Variants in CTNNA2 observed in about 807,000 individuals in gnomAD.
CTNNA2 encodes the protein catenin alpha 2, also known as catenin alpha-2.
CTNNA2 carries 42 observed loss-of-function variants against 101.0 expected under a neutral mutation model. The observed-to-expected ratio is 0.42, with a 90% CI of 0.32 to 0.54. The LOEUF is 0.54. Ranked by LOEUF, CTNNA2 falls within the 20% of genes least tolerant of loss-of-function variation. The probability of loss-of-function intolerance (pLI) is 0.14; values close to 1 mark genes in which losing one functional copy is unlikely to be tolerated. For missense variants in CTNNA2, 871 were observed against 1,223.1 expected, an observed-to-expected ratio of 0.71 and a Z score of 4.29; for synonymous variants, 450 against 456.4, an observed-to-expected ratio of 0.99 and a Z score of 0.18.
At chr2:80,189,880 CAG>C (rs1440406470) in intron 7 of CTNNA2, among the ~76,000 whole-genome samples, 1 of 151,944 alleles carries the variant, frequency 6.6e-6, no homozygotes, top group Non-Finnish European at 1.5e-5. Flanking sequence ...AAGGATAAAT[CAG>C]AGAGTTTTGT....
intron 1 of CTNNA2, among the ~76,000 whole-genome samples, chr2:79,563,083 A>T (rs191620095): frequency 6.6e-6 from 1 of 151,660 alleles, no homozygotes; most frequent in Non-Finnish European, 1.5e-5. Context: ...ACATGATCCA[A>T]TATGTGATTC....
At chr2:80,502,853 CT>C (rs543088799) in intron 9 of CTNNA2, among the ~76,000 whole-genome samples, 215 of 152,304 alleles carry the variant, frequency 1.4e-3, no homozygotes, top group African/African-American at 4.8e-3. Flanking sequence ...TTAGCTCAAG[CT>C]TCTTTCAAAT....
chr2:79,205,325 T>C lies in CTNNA2; in HGVS notation c.-406+7249T>C, dbSNP rs530365294. Among the ~76,000 whole-genome samples, 17 of 152,336 alleles carry C rather than the reference T, an allele frequency of 1.1e-4. No individual in the cohort carries two copies. The East Asian group carries it at 3.1e-3, about 28-fold the overall frequency. ...AAAAAGCTTCCAAATGATTCACACC[T>C]GCAGTAAGAGCTGTCTAAGCATGGT... On this transcript the variant is annotated intron_variant, in intron 2 of 21. Transcript: ENST00000466387.
chr2:80,062,202 A>G (rs1697644843), intron 7 of CTNNA2, among the ~76,000 whole-genome samples: 1 of 152,248 alleles, frequency 6.6e-6, no homozygotes, highest in East Asian at 1.9e-4. Context: ...TCAAAAAGAA[A>G]AAAATGCCAG....
chr2:79,554,143 G>A (rs1179457033), intron 1 of CTNNA2, among the ~76,000 whole-genome samples: 7 of 151,990 alleles, frequency 4.6e-5, no homozygotes, highest in Non-Finnish European at 8.8e-5. Flanking sequence ...GGTGGATGGA[G>A]AATTGCTTAT....
intron 9 of CTNNA2, among the ~76,000 whole-genome samples, chr2:80,488,237 T>C (rs1686755579): frequency 6.6e-6 from 1 of 152,214 alleles, no homozygotes; most frequent in Non-Finnish European, 1.5e-5. Flanking sequence ...TGAGATTCTG[T>C]TCTTGAAGCC....
chr2:79,599,268 T>A (rs1677395101), intron 1 of CTNNA2, among the ~76,000 whole-genome samples: 2 of 152,206 alleles, frequency 1.3e-5, no homozygotes, highest in African/African-American at 4.8e-5. Flanking sequence ...CCTTCAATAA[T>A]GAGTTGGCTC....
At chr2:79,687,704 G>A (rs774598823) in intron 2 of CTNNA2, 106 of 501,122 alleles carry the variant, frequency 2.1e-4, no homozygotes, top group Non-Finnish European at 3.4e-4. Flanking sequence ...AAATATAAAA[G>A]CATCTTTTGA....
At chr2:79,932,630 T>C (rs1687526489) in intron 7 of CTNNA2, among the ~76,000 whole-genome samples, 1 of 152,150 alleles carries the variant, frequency 6.6e-6, no homozygotes, top group Non-Finnish European at 1.5e-5. Context: ...AATATGAAAA[T>C]AATTCCCAAT....
intron 7 of CTNNA2, among the ~76,000 whole-genome samples, chr2:80,026,260 G>T (rs1242906500): frequency 6.6e-6 from 1 of 152,284 alleles, no homozygotes; most frequent in South Asian, 2.1e-4. Flanking sequence ...TGACTGGACA[G>T]TCTGAGTAAA....
At position 79,853,958 on chromosome 2, in the gene CTNNA2, G is replaced by A. The variant is rs151299705; in HGVS notation, c.299-4055G>A. ...GCTGGGATTACAGGTGTGAGCCACCGCGCCCAGCCCATGCCATCCTTTTCT... is the reference window on the plus strand; with the variant it reads ...GCTGGGATTACAGGTGTGAGCCACCACGCCCAGCCCATGCCATCCTTTTCT... On this transcript the variant is annotated intron_variant, in intron 3 of 18. Coordinates refer to ENST00000402739, the MANE Select transcript of CTNNA2 (RefSeq NM_001282597.3). Among the ~76,000 whole-genome samples, 552 of 152,028 alleles carry A rather than the reference G, an allele frequency of 3.6e-3. 5 individuals carry two copies. The highest frequency in any genetic ancestry group is 0.013 in the African/African-American group (529 of 41,462).
chr2:79,289,340 T>C (rs79890326), intron 2 of CTNNA2, among the ~76,000 whole-genome samples: 19,664 of 152,156 alleles, frequency 0.13, 1,387 homozygotes, highest in Middle Eastern at 0.21. Flanking sequence ...CATAGGTAAA[T>C]ATAGATTTAA....
At chr2:79,193,260 A>G (rs1320995530) in intron 1 of CTNNA2, among the ~76,000 whole-genome samples, 1 of 152,124 alleles carries the variant, frequency 6.6e-6, no homozygotes, top group Non-Finnish European at 1.5e-5. Context: ...CATGCTCTTT[A>G]TACAGTCACA....
intron 7 of CTNNA2, among the ~76,000 whole-genome samples, chr2:79,991,778 C>T (rs1296390506): frequency 6.6e-6 from 1 of 152,046 alleles, no homozygotes; most frequent in East Asian, 1.9e-4. Flanking sequence ...CTCCAGCCTC[C>T]CGTTTGTTGG....
intron 7 of CTNNA2, among the ~76,000 whole-genome samples, chr2:80,192,905 G>A (rs1156406383): frequency 6.6e-6 from 1 of 152,162 alleles, no homozygotes; most frequent in African/African-American, 2.4e-5. Flanking sequence ...CCACCATACT[G>A]AGAATGATGA....
intron 15 of CTNNA2, among the ~76,000 whole-genome samples, chr2:80,592,840 A>C (rs1226587952): frequency 1.3e-5 from 2 of 152,194 alleles, no homozygotes; most frequent in African/African-American, 4.8e-5. Context: ...GAATATACTG[A>C]GGCATAGATT....
chr2:79,256,243 T>C (rs901837445), intron 2 of CTNNA2, among the ~76,000 whole-genome samples: 2 of 152,102 alleles, frequency 1.3e-5, no homozygotes, highest in African/African-American at 4.8e-5. Context: ...ACACAGATCA[T>C]CAATTCCCTG....
rs546198365 is a variant in CTNNA2 at position 79,959,965 on chromosome 2, A to G, written c.1056+50168A>G. Among the ~76,000 whole-genome samples, 244 of 152,336 alleles carry G rather than the reference A, an allele frequency of 1.6e-3. 1 individual carries two copies. The highest frequency in any genetic ancestry group is 5.7e-3 in the African/African-American group (235 of 41,576). ...TTAATGGAGAATATTCAAATTGGCTACATGATGCTAATTCATGTTTAAAAG... is the reference window on the plus strand; with the variant it reads ...TTAATGGAGAATATTCAAATTGGCTGCATGATGCTAATTCATGTTTAAAAG... On this transcript the variant is annotated intron_variant, in intron 7 of 18. Transcript: ENST00000402739.
chr2:80,098,094 G>T (rs1700278283), intron 7 of CTNNA2, among the ~76,000 whole-genome samples: 1 of 152,146 alleles, frequency 6.6e-6, no homozygotes. Flanking sequence ...GATTTTTAGA[G>T]TTTCCAGTTT....
Sources: gnomAD v4.1 joint callset for allele counts (sites outside exome capture counted in the v4.1 genomes callset) on GRCh38, gnomAD v4.1.1 for gene constraint, MANE v1.5 for transcripts, NCBI Gene and HGNC (gene_info 2026-07-23, HGNC 2026-07-21) for gene names.